Variants in PBX4 observed in about 807,000 individuals in gnomAD.
PBX4 encodes pre-B-cell leukemia transcription factor 4.
A neutral mutation model predicts 35.1 loss-of-function variants in PBX4; 26 were observed. The ratio of observed to expected loss-of-function variants is 0.74; its 90% CI spans 0.54 to 1.03. The LOEUF (loss-of-function observed/expected upper bound fraction) is 1.03. Among genes scored for constraint, PBX4 ranks in the 50% least tolerant of loss-of-function variants. The pLI is 0.00. For missense variants in PBX4, 448 were observed against 504.3 expected (o/e 0.89, Z 1.07); for synonymous variants, 199 against 204.2 (o/e 0.97, Z 0.22).
At position 19,570,305 on chromosome 19, in the gene PBX4, G is replaced by T; in HGVS notation, c.442-6C>A. ...GTGGTGAACTCACGACAGGCCTGGG[G>T]TGGGAGCACAGACACGCCGGCCTGT... On this transcript the variant is annotated splice_region_variant and splice_polypyrimidine_tract_variant and intron_variant, in intron 3 of 7. Coordinates refer to ENST00000251203, the MANE Select transcript of PBX4 (RefSeq NM_025245.3). 5 of 1,594,544 alleles carry T rather than the reference G, an allele frequency of 3.1e-6. No homozygotes were observed. The highest frequency in any genetic ancestry group is 4.3e-6 in the Non-Finnish European group (5 of 1,167,542).
intron 2 of PBX4, among the ~76,000 whole-genome samples, chr19:19,589,192 G>A (rs930885348): frequency 1.3e-5 from 2 of 152,082 alleles, no homozygotes; most frequent in African/African-American, 2.4e-5. Flanking sequence ...ACGTTGAGAG[G>A]TCGAGGCCGG....
rs541523013 is a variant in PBX4, at chr19:19,563,048, T to C, written c.1032+461A>G. ...CAGCCTCGTGCCTGTGCTGGGCACA[T>C]GACACCTGGGCCTCCTCAGTGTCTT... On this transcript the variant is annotated intron_variant, in intron 7 of 7. Transcript: ENST00000251203. This position sits in a 1 kb window ranked among gnomAD's most constrained non-coding sequence, Gnocchi z 5.1. 6.6e-6 allele frequency among the ~76,000 whole-genome samples: 1 copy of C among 152,184 alleles called. No homozygotes were observed. Among genetic ancestry groups the C allele is most frequent in the Admixed American group, 6.5e-5 (1 of 15,284 alleles).
rs773490862 is a variant in PBX4 at position 19,570,203 on chromosome 19, C to T, written c.538G>A (p.Ala180Thr). The T allele has an allele frequency of 9.9e-6, 16 of 1,614,112 alleles. No homozygotes were observed. The highest frequency in any genetic ancestry group is 4.4e-5 in the South Asian group (4 of 91,088). Reference protein sequence around the residue: ...SPKEIERMVGAIHGKFSAIQM... With the variant: ...SPKEIERMVGTIHGKFSAIQM... The stretch of plus-strand genomic sequence containing the variant: ...ATGGCGCTGAACTTGCCGTGAATGG[C>T]GCCGACCATGCGCTCAATCTCCTTA... The change falls in exon 4 of 8, where the codon GCC becomes ACC. Residue 180 changes from alanine to threonine, a missense_variant. Coordinates refer to ENST00000251203, the MANE Select transcript of PBX4 (RefSeq NM_025245.3).
At chr19:19,617,623 TACTCGAGAGCAGGG>T (rs2061695079) in intron 1 of PBX4, among the ~76,000 whole-genome samples, 1 of 152,138 alleles carries the variant, frequency 6.6e-6, no homozygotes, top group Non-Finnish European at 1.5e-5. Flanking sequence ...CTAAATCATG[TACTCGAGAGCAGGG>T]ACTATGTCAG....
intron 2 of PBX4, among the ~76,000 whole-genome samples, chr19:19,577,565 C>T (rs769037703): frequency 3.3e-5 from 5 of 152,128 alleles, no homozygotes; most frequent in Non-Finnish European, 7.4e-5. Flanking sequence ...AGCCTTATTT[C>T]TTTAAGATTA....
At chr19:19,602,760 C>T (rs1230802129) in intron 1 of PBX4, among the ~76,000 whole-genome samples, 2 of 151,676 alleles carry the variant, frequency 1.3e-5, no homozygotes, top group Non-Finnish European at 2.9e-5. Context: ...CTTGCTTTGA[C>T]ATTGTGGGGC....
At chr19:19,570,901 T>G (rs1007754546) in intron 2 of PBX4, 68 bp from the exon 3 acceptor site, 1 of 1,575,276 alleles carries the variant, frequency 6.3e-7, no homozygotes, top group African/African-American at 1.4e-5. Flanking sequence ...TGAGAAAATG[T>G]GAGCACTGGT....
intron 2 of PBX4, among the ~76,000 whole-genome samples, chr19:19,577,614 C>T (rs1467674560): frequency 1.3e-5 from 2 of 152,056 alleles, no homozygotes; most frequent in African/African-American, 4.8e-5. Flanking sequence ...CGCCTATAAT[C>T]CCAGCACTTT....
chr19:19,571,453 C>T (rs936968707), intron 2 of PBX4, among the ~76,000 whole-genome samples: 10 of 152,148 alleles, frequency 6.6e-5, no homozygotes, highest in Admixed American at 3.3e-4. Context: ...TTGGAAATGC[C>T]GTCCCAGCTC....
At chr19:19,615,854 C>T (rs2061686359) in intron 1 of PBX4, among the ~76,000 whole-genome samples, 1 of 152,178 alleles carries the variant, frequency 6.6e-6, no homozygotes, top group African/African-American at 2.4e-5. Context: ...AGCGCCACTG[C>T]ACTCCAGCCT....
At chr19:19,571,017 C>A in intron 2 of PBX4, 184 bp from the exon 3 acceptor site, 2 of 775,398 alleles carry the variant, frequency 2.6e-6, no homozygotes, top group Non-Finnish European at 4.0e-6. Context: ...GACATGGGTC[C>A]AAGTGCCATC....
At chr19:19,586,930 C>CA (rs200734559) in intron 2 of PBX4, among the ~76,000 whole-genome samples, 2,010 of 151,008 alleles carry the variant, frequency 0.013, 58 homozygotes, top group South Asian at 0.069. Flanking sequence ...GATTCCGTCT[C>CA]AAAAAAAGAA....
intron 1 of PBX4, among the ~76,000 whole-genome samples, chr19:19,605,558 CA>C (rs2061625839): frequency 6.6e-6 from 1 of 151,660 alleles, no homozygotes; most frequent in African/African-American, 2.4e-5. Flanking sequence ...CTCAGGAGAT[CA>C]AGGCTGCAGT....
intron 5 of PBX4, among the ~76,000 whole-genome samples, chr19:19,568,875 C>A (rs1255027857): frequency 6.6e-6 from 1 of 151,914 alleles, no homozygotes; most frequent in Non-Finnish European, 1.5e-5. Flanking sequence ...TCCACAGCAT[C>A]ACCTCTGGGA....
At position 19,618,647 on chromosome 19, in the gene PBX4, G is replaced by C; in HGVS notation, c.-18C>G. On this transcript the variant is annotated 5_prime_UTR_variant, in exon 1 of 8. Coordinates refer to ENST00000251203, the MANE Select transcript of PBX4 (RefSeq NM_025245.3). ...GCGGCCATGAGCGGCAGGGCCGGGC[G>C]GGCGCTGTGAGGGTGCCGTCGAGCC... 8.3e-7 allele frequency: 1 copy of C among 1,209,234 alleles called. No individual in the cohort carries two copies. Among genetic ancestry groups the C allele is most frequent in the Non-Finnish European group, 1.0e-6 (1 of 972,716 alleles). 74.9% of individuals were successfully genotyped at this position (1,209,234 alleles called of 1,614,324 possible). A position where few individuals can be genotyped will look rare whatever the true frequency, so the allele number is the denominator to read the frequency against.
intron 2 of PBX4, among the ~76,000 whole-genome samples, chr19:19,589,383 G>C (rs1408771894): frequency 6.6e-6 from 1 of 151,640 alleles, no homozygotes; most frequent in East Asian, 1.9e-4. Flanking sequence ...GCAGCGAGCC[G>C]AGATTGCACC....
intron 1 of PBX4, among the ~76,000 whole-genome samples, chr19:19,609,148 A>G (rs1489249735): frequency 6.6e-6 from 1 of 152,178 alleles, no homozygotes; most frequent in Non-Finnish European, 1.5e-5. Flanking sequence ...ATCCCTGGGA[A>G]AAGCAGAGAC....
intron 1 of PBX4, among the ~76,000 whole-genome samples, chr19:19,613,473 A>T (rs113085069): frequency 9.8e-5 from 14 of 143,440 alleles, no homozygotes; most frequent in Admixed American, 4.2e-4. Context: ...AAAAAAAAAA[A>T]GTAACTGGCT....
chr19:19,595,013 C>T (rs138102987), intron 2 of PBX4, among the ~76,000 whole-genome samples: 2,294 of 152,234 alleles, frequency 0.015, 78 homozygotes, highest in South Asian at 0.076. Flanking sequence ...TGAGCCACCG[C>T]ACCCAGCCTT....
Sources: gnomAD v4.1 joint callset for allele counts (sites outside exome capture counted in the v4.1 genomes callset) on GRCh38, gnomAD v4.1.1 for gene constraint, Gnocchi (gnomAD v3.1) non-coding constraint, MANE v1.5 for transcripts, NCBI Gene and HGNC (gene_info 2026-07-23, HGNC 2026-07-21) for gene names.